Variants in NXPH2 observed in about 807,000 individuals in gnomAD.
The protein encoded by NXPH2 is neurexophilin 2.
In NXPH2, 5 loss-of-function variants were observed where a neutral mutation model predicts 19.8. The ratio of observed to expected loss-of-function variants is 0.25; its 90% CI spans 0.13 to 0.53. NXPH2 has a LOEUF of 0.53. Among genes scored for constraint, NXPH2 ranks in the 20% least tolerant of loss-of-function variants. The pLI, the probability that NXPH2 is intolerant of heterozygous loss-of-function variation, is 0.96. For synonymous variants in NXPH2, 154 were observed against 127.4 expected (o/e 1.21, Z -1.41); for missense variants, 289 against 322.8 (o/e 0.90, Z 0.80).
At position 138,670,484 on chromosome 2, in the gene NXPH2, A is replaced by G. The variant is rs554841276; in HGVS notation, c.*438T>C. On this transcript the variant is annotated 3_prime_UTR_variant, in exon 2 of 2. Transcript: ENST00000272641. ...AAAAGGGTCCAATGTCAAAAACACAATTCATCTATCAAATACAATCTTTTC... is the reference window on the plus strand; with the variant it reads ...AAAAGGGTCCAATGTCAAAAACACAGTTCATCTATCAAATACAATCTTTTC... 1.5e-4 allele frequency among the ~76,000 whole-genome samples: 23 copies of G among 152,228 alleles called. No individual in the cohort carries two copies. Among genetic ancestry groups the G allele is most frequent in the Non-Finnish European group, 2.9e-4 (20 of 68,040 alleles).
At chr2:138,762,637 A>T (rs1430981612) in intron 1 of NXPH2, among the ~76,000 whole-genome samples, 1 of 152,192 alleles carries the variant, frequency 6.6e-6, no homozygotes, top group East Asian at 1.9e-4. Flanking sequence ...CAAAACCCAG[A>T]AGTCAAGTTG....
At chr2:138,726,236 G>A (rs1407311424) in intron 1 of NXPH2, among the ~76,000 whole-genome samples, 1 of 152,032 alleles carries the variant, frequency 6.6e-6, no homozygotes, top group Non-Finnish European at 1.5e-5. Context: ...GTAGAGATGG[G>A]ATTTCACCAC....
At chr2:138,740,193 G>T (rs1681621183) in intron 1 of NXPH2, among the ~76,000 whole-genome samples, 1 of 152,162 alleles carries the variant, frequency 6.6e-6, no homozygotes, top group African/African-American at 2.4e-5. Flanking sequence ...AGTAGAAAAG[G>T]GTGAGGCTAG....
At chr2:138,770,616 G>A (rs574427994) in intron 1 of NXPH2, among the ~76,000 whole-genome samples, 2 of 152,002 alleles carry the variant, frequency 1.3e-5, no homozygotes, top group East Asian at 3.9e-4. Flanking sequence ...ACTAATAACT[G>A]AGTTCAGAAA....
intron 1 of NXPH2, among the ~76,000 whole-genome samples, chr2:138,762,766 A>C (rs1156768454): frequency 6.6e-6 from 1 of 152,202 alleles, no homozygotes; most frequent in East Asian, 1.9e-4. Flanking sequence ...GGCTTAAACC[A>C]GAACAGTATG....
chr2:138,676,934 G>A (rs1401275274), intron 1 of NXPH2, among the ~76,000 whole-genome samples: 1 of 152,182 alleles, frequency 6.6e-6, no homozygotes, highest in East Asian at 1.9e-4. Context: ...AATCCCAGGT[G>A]AGCTCTCTTT....
intron 1 of NXPH2, among the ~76,000 whole-genome samples, chr2:138,692,805 G>T (rs1347295444): frequency 6.6e-6 from 1 of 152,106 alleles, no homozygotes; most frequent in Non-Finnish European, 1.5e-5. Context: ...GGATAGCAGA[G>T]GAGAAAGCAG....
intron 1 of NXPH2, among the ~76,000 whole-genome samples, chr2:138,736,650 G>T (rs944471901): frequency 6.6e-6 from 1 of 152,180 alleles, no homozygotes; most frequent in Non-Finnish European, 1.5e-5. Context: ...TTGGCTCCAG[G>T]TTACTTATGC....
chr2:138,749,113 C>T (rs1180039081), intron 1 of NXPH2, among the ~76,000 whole-genome samples: 1 of 152,140 alleles, frequency 6.6e-6, no homozygotes, highest in Non-Finnish European at 1.5e-5. Context: ...GACTAGATCA[C>T]GGGGCAGTTT....
intron 1 of NXPH2, among the ~76,000 whole-genome samples, chr2:138,708,232 C>A (rs1020436716): frequency 6.6e-6 from 1 of 152,208 alleles, no homozygotes; most frequent in African/African-American, 2.4e-5. Context: ...AAGACAGCTG[C>A]TACTTTCCTC....
intron 1 of NXPH2, among the ~76,000 whole-genome samples, chr2:138,724,825 A>T (rs937952738): frequency 1.3e-5 from 2 of 152,258 alleles, no homozygotes; most frequent in Non-Finnish European, 2.9e-5. Context: ...CAGAGTGCTT[A>T]TTCTGCAACA....
At chr2:138,741,871 T>C (rs1243013572) in intron 1 of NXPH2, among the ~76,000 whole-genome samples, 1 of 152,236 alleles carries the variant, frequency 6.6e-6, no homozygotes, top group East Asian at 1.9e-4. Flanking sequence ...GAAAGACTTG[T>C]ATTGCATTCA....
rs950078406 is a variant in NXPH2 at position 138,740,212 on chromosome 2, T to G, written c.51+39979A>C. 3.9e-5 allele frequency among the ~76,000 whole-genome samples: 6 copies of G among 152,210 alleles called. No homozygotes were observed. In the East Asian group the frequency reaches 1.2e-3, roughly 29 times the overall value. The stretch of plus-strand genomic sequence containing the variant: ...GAAAAGGGTGAGGCTAGTGTAGAGT[T>G]TAGTAACTGGGCCTTGGGTAACTTA... On this transcript the variant is annotated intron_variant, in intron 1 of 1. Coordinates refer to ENST00000272641, the MANE Select transcript of NXPH2 (RefSeq NM_007226.3).
intron 1 of NXPH2, among the ~76,000 whole-genome samples, chr2:138,779,975 G>A (rs561613240): frequency 6.6e-6 from 1 of 152,160 alleles, no homozygotes; most frequent in South Asian, 2.1e-4. Flanking sequence ...GTCCCAACCC[G>A]TGCTAAGCCC....
chr2:138,690,777 A>G (rs1179530613), intron 1 of NXPH2, among the ~76,000 whole-genome samples: 2 of 152,230 alleles, frequency 1.3e-5, no homozygotes, highest in Non-Finnish European at 2.9e-5. Flanking sequence ...AATGGTAAGA[A>G]TGGTTCTTAC....
chr2:138,670,596 A>G lies in NXPH2; in HGVS notation c.*326T>C, dbSNP rs1680398907. On this transcript the variant is annotated 3_prime_UTR_variant, in exon 2 of 2. Transcript: ENST00000272641. ...TTCAAGAGCAATGTTTGTCACATGC[A>G]TAATTTTGTTCCTTCTTGTCACATA... Among the ~76,000 whole-genome samples, 1 of 152,228 alleles carries G rather than the reference A, an allele frequency of 6.6e-6. No individual in the cohort carries two copies. Among genetic ancestry groups the G allele is most frequent in the Admixed American group, 6.5e-5 (1 of 15,284 alleles).
intron 1 of NXPH2, among the ~76,000 whole-genome samples, chr2:138,714,222 G>A (rs1400251817): frequency 6.6e-6 from 1 of 151,980 alleles, no homozygotes; most frequent in Non-Finnish European, 1.5e-5. Flanking sequence ...AGGGGCAGAG[G>A]GCATGCTAAG....
chr2:138,778,579 T>C (rs1346083677), intron 1 of NXPH2, among the ~76,000 whole-genome samples: 2 of 152,188 alleles, frequency 1.3e-5, no homozygotes, highest in East Asian at 3.8e-4. Context: ...AGATACACAG[T>C]TCATATTTAT....
At chr2:138,719,867 G>A (rs140958902) in intron 1 of NXPH2, among the ~76,000 whole-genome samples, 36 of 152,092 alleles carry the variant, frequency 2.4e-4, no homozygotes, top group African/African-American at 8.0e-4. Context: ...ACTTATATAC[G>A]TTTCTTGGTT....
Sources: gnomAD v4.1 joint callset for allele counts (sites outside exome capture counted in the v4.1 genomes callset) on GRCh38, gnomAD v4.1.1 for gene constraint, MANE v1.5 for transcripts, NCBI Gene and HGNC (gene_info 2026-07-23, HGNC 2026-07-21) for gene names.